The following NFATC1 variants were observed in gnomAD, a reference collection of about 807,000 sequenced individuals.
The protein encoded by NFATC1 is nuclear factor of activated T cells 1.
A neutral mutation model predicts 76.0 loss-of-function variants in NFATC1; 22 were observed. The observed-to-expected ratio is 0.29, with a 90% CI of 0.21 to 0.41. The LOEUF (loss-of-function observed/expected upper bound fraction) is 0.41. NFATC1 is among the 10% of genes least tolerant of loss of function. NFATC1 has a pLI of 1.00. For missense variants in NFATC1, 1,357 were observed against 1,337.7 expected (o/e 1.01, Z -0.23); for synonymous variants, 704 against 613.1 (o/e 1.15, Z -2.19).
intron 3 of NFATC1, among the ~76,000 whole-genome samples, chr18:79,437,092 C>T (rs1197048466): frequency 6.6e-6 from 1 of 152,216 alleles, no homozygotes; most frequent in East Asian, 1.9e-4. Flanking sequence ...CTGGGTGGTT[C>T]AGGATGGCCG....
At chr18:79,412,260 C>A (rs995264181) in intron 2 of NFATC1, among the ~76,000 whole-genome samples, 1 of 152,232 alleles carries the variant, frequency 6.6e-6, no homozygotes, top group African/African-American at 2.4e-5. Context: ...CTGTGAGTGG[C>A]CCCTGAGAGT....
At chr18:79,456,559 A>G (rs1468451759) in intron 6 of NFATC1, among the ~76,000 whole-genome samples, 1 of 152,046 alleles carries the variant, frequency 6.6e-6, no homozygotes, top group Admixed American at 6.5e-5. Context: ...TTGTTTTCCT[A>G]GGGTCTGGTT....
At chr18:79,421,845 G>A (rs559113291) in intron 2 of NFATC1, 1 of 152,436 alleles carries the variant, frequency 6.6e-6, no homozygotes, top group East Asian at 1.9e-4. Context: ...AGCTGAGCGC[G>A]AAGCTGGAAG....
At chr18:79,455,919 G>A (rs995043037) in intron 6 of NFATC1, among the ~76,000 whole-genome samples, 7 of 152,186 alleles carry the variant, frequency 4.6e-5, no homozygotes, top group South Asian at 2.1e-4. Context: ...AGCAGCAGGC[G>A]GAGGGCCTGC....
chr18:79,484,220 C>T (rs1208101421), intron 8 of NFATC1, among the ~76,000 whole-genome samples: 1 of 152,100 alleles, frequency 6.6e-6, no homozygotes, highest in Admixed American at 6.5e-5. Flanking sequence ...CTGCACTCCC[C>T]GAGTTCACTG....
At chr18:79,526,786 A>T (rs906143933) in intron 9 of NFATC1, among the ~76,000 whole-genome samples, 3 of 152,216 alleles carry the variant, frequency 2.0e-5, no homozygotes, top group African/African-American at 7.2e-5. Flanking sequence ...CCGCCCTGAG[A>T]CAGGCCGGGG....
chr18:79,469,427 G>A (rs1433333463), intron 8 of NFATC1: 1 of 985,414 alleles, frequency 1.0e-6, no homozygotes, highest in Non-Finnish European at 1.2e-6. Flanking sequence ...CCCTTCACAG[G>A]TGGGAGGTGG....
At chr18:79,516,640 T>C (rs980871087) in intron 9 of NFATC1, among the ~76,000 whole-genome samples, 2 of 152,118 alleles carry the variant, frequency 1.3e-5, no homozygotes, top group African/African-American at 2.4e-5. Context: ...AATCCAGATA[T>C]TTGCTTGTGA....
rs774987243 is a variant in NFATC1, at chr18:79,461,775, G to C, written c.1959+409G>C. ...AGTCAGTGCTGTGCTGAGTTCCCGG[G>C]GGGTGGTCAGCACCTGCCCAGACCC... is the stretch of plus-strand genomic sequence containing the variant. On this transcript the variant is annotated intron_variant, in intron 7 of 9. Coordinates refer to ENST00000427363, the MANE Select transcript of NFATC1 (RefSeq NM_001278669.2). Among the ~76,000 whole-genome samples, 12 of 152,180 alleles carry C rather than the reference G, an allele frequency of 7.9e-5. No homozygotes were observed. The East Asian group carries it at 2.3e-3, about 29-fold the overall frequency.
chr18:79,517,220 C>T (rs2090405342), intron 9 of NFATC1, among the ~76,000 whole-genome samples: 1 of 152,226 alleles, frequency 6.6e-6, no homozygotes, highest in African/African-American at 2.4e-5. Flanking sequence ...TTATTACCCT[C>T]TTAGGTTACA....
intron 8 of NFATC1, among the ~76,000 whole-genome samples, chr18:79,476,940 G>A (rs993738742): frequency 1.3e-5 from 2 of 152,230 alleles, no homozygotes; most frequent in African/African-American, 2.4e-5. Flanking sequence ...AAGAGTCGGT[G>A]AGAGAGCACA....
chr18:79,469,365 A>G (rs2088680271), intron 8 of NFATC1: 1 of 985,308 alleles, frequency 1.0e-6, no homozygotes, highest in Admixed American at 6.2e-5. Context: ...CACTGACTTT[A>G]GCACAGATCA....
At position 79,464,946 on chromosome 18, in the gene NFATC1, C is replaced by T. The variant is rs1205518814; in HGVS notation, c.1960-2504C>T. ...TCCTGAACTCCTGGGCTCAAGCAAT[C>T]CTCCCACCTGGGCCTCCCAAAGTGC... On this transcript the variant is annotated intron_variant, in intron 7 of 9. Transcript: ENST00000427363. 4.0e-4 allele frequency among the ~76,000 whole-genome samples: 60 copies of T among 151,854 alleles called. 1 individual carries two copies. Among genetic ancestry groups the T allele is most frequent in the Non-Finnish European group, 2.6e-4 (18 of 68,004 alleles).
intron 9 of NFATC1, among the ~76,000 whole-genome samples, chr18:79,507,609 C>T (rs1402959262): frequency 2.6e-5 from 4 of 152,248 alleles, no homozygotes; most frequent in South Asian, 4.1e-4. Context: ...TCTCAGCAGG[C>T]GCACAGACGA....
At chr18:79,424,931 C>G (rs1277345744) in intron 2 of NFATC1, among the ~76,000 whole-genome samples, 1 of 123,828 alleles carries the variant, frequency 8.1e-6, no homozygotes, top group East Asian at 1.9e-4. Context: ...CTCTCTGTGT[C>G]TCTCTCTGTC....
intron 8 of NFATC1, among the ~76,000 whole-genome samples, chr18:79,476,249 G>A (rs983693193): frequency 7.2e-5 from 11 of 152,230 alleles, no homozygotes; most frequent in Non-Finnish European, 1.2e-4. Flanking sequence ...AGCCGCCTCC[G>A]GGCGGCGTCG....
At chr18:79,425,071 C>CCA (rs145898982) in intron 2 of NFATC1, among the ~76,000 whole-genome samples, 2 of 124,234 alleles carry the variant, frequency 1.6e-5, no homozygotes, top group Non-Finnish European at 3.3e-5. Context: ...CTCTGTTTCT[C>CCA]TCTCTGTCTC....
chr18:79,419,564 G>A (rs7242868), intron 2 of NFATC1, among the ~76,000 whole-genome samples: 8,610 of 145,568 alleles, frequency 0.059, 460 homozygotes, highest in Admixed American at 0.082. Flanking sequence ...CCCCTAGGAG[G>A]GTCAGAACCT....
intron 2 of NFATC1, among the ~76,000 whole-genome samples, chr18:79,424,064 C>T (rs2086193831): frequency 6.6e-6 from 1 of 152,218 alleles, no homozygotes; most frequent in Non-Finnish European, 1.5e-5. Context: ...TTGTGAAAGG[C>T]CTTGTCTTGG....
Sources: allele counts gnomAD v4.1 joint callset (sites outside exome capture counted in the v4.1 genomes callset), GRCh38; gene constraint gnomAD v4.1.1; transcripts MANE v1.5; gene names NCBI Gene and HGNC (gene_info 2026-07-23, HGNC 2026-07-21).